DDX10: variants seen among roughly 807,000 people sequenced by gnomAD.
DDX10 encodes DEAD-box helicase 10.
In DDX10, 74 loss-of-function variants were observed where a neutral mutation model predicts 104.3. The observed-to-expected ratio is 0.71, with a 90% CI of 0.59 to 0.86. DDX10 has a LOEUF of 0.86. DDX10 is among the 40% of genes least tolerant of loss of function. The probability of loss-of-function intolerance (pLI) is 0.00; values close to 1 mark genes in which losing one functional copy is unlikely to be tolerated. For synonymous variants in DDX10, 351 were observed against 353.4 expected (o/e 0.99, Z 0.08); for missense variants, 952 against 1,040.0 (o/e 0.92, Z 1.16).
chr11:108,881,719 G>A (rs1275648781), intron 16 of DDX10, among the ~76,000 whole-genome samples: 2 of 152,086 alleles, frequency 1.3e-5, no homozygotes, highest in Non-Finnish European at 2.9e-5. Flanking sequence ...TTTAGGGTAG[G>A]GTGGGCTAAG....
rs1194804144 is a variant in DDX10 at position 108,679,576 on chromosome 11, G to A, written c.848+16G>A. The A allele has an allele frequency of 4.6e-6, 7 of 1,529,838 alleles. No individual in the cohort carries two copies. Among genetic ancestry groups the A allele is most frequent in the Non-Finnish European group, 6.2e-6 (7 of 1,136,546 alleles). 94.8% of individuals were successfully genotyped at this position (1,529,838 alleles called of 1,614,324 possible). On this transcript the variant is annotated intron_variant, in intron 6 of 17. Transcript: ENST00000322536. ...CAAAATATAGGTATGTACTCTTTGA[G>A]TCAATCAAGATAAATGTTTTTTACT...
chr11:108,940,162 C>A, intron 17 of DDX10, 84 bp from the exon 18 acceptor site: 1 of 1,382,134 alleles, frequency 7.2e-7, no homozygotes, highest in Non-Finnish European at 9.8e-7. Context: ...TATCACTTTA[C>A]CAACTCTCTG....
At chr11:108,795,010 T>C (rs1861920990) in intron 13 of DDX10, among the ~76,000 whole-genome samples, 1 of 152,128 alleles carries the variant, frequency 6.6e-6, no homozygotes, top group Non-Finnish European at 1.5e-5. Context: ...GTATTTTTAG[T>C]AGAGGTGGGG....
At chr11:108,676,436 G>A (rs1773548612) in intron 3 of DDX10, among the ~76,000 whole-genome samples, 1 of 152,054 alleles carries the variant, frequency 6.6e-6, no homozygotes, top group Admixed American at 6.6e-5. Context: ...ATGGGTGAAA[G>A]TTTATTTACT....
chr11:108,721,501 T>G (rs1355772782), intron 12 of DDX10, among the ~76,000 whole-genome samples: 1 of 152,160 alleles, frequency 6.6e-6, no homozygotes, highest in Non-Finnish European at 1.5e-5. Flanking sequence ...GTAGGCCATA[T>G]TTAGGGGACC....
intron 13 of DDX10, among the ~76,000 whole-genome samples, chr11:108,782,101 G>A (rs1591816873): frequency 6.6e-6 from 1 of 152,186 alleles, no homozygotes; most frequent in Non-Finnish European, 1.5e-5. Flanking sequence ...TAACGTATCT[G>A]TTCTTCCAAT....
chr11:108,800,255 C>T (rs543601587), intron 13 of DDX10, among the ~76,000 whole-genome samples: 1 of 141,626 alleles, frequency 7.1e-6, no homozygotes, highest in South Asian at 2.4e-4. Flanking sequence ...CATGGTGAAA[C>T]CCTGTCTTTA....
intron 13 of DDX10, among the ~76,000 whole-genome samples, chr11:108,737,418 T>C (rs1368865812): frequency 6.6e-6 from 1 of 152,202 alleles, no homozygotes; most frequent in Non-Finnish European, 1.5e-5. Context: ...ACGGTCTTGA[T>C]ATACTGTTGG....
intron 13 of DDX10, chr11:108,822,792 C>T (rs1862344208): frequency 6.5e-6 from 1 of 153,572 alleles, no homozygotes; most frequent in African/African-American, 2.4e-5. Flanking sequence ...TGTCAATCCA[C>T]TCTTCTCATT....
chr11:108,800,442 CAAAA>C (rs61200843), intron 13 of DDX10, among the ~76,000 whole-genome samples: 46 of 94,410 alleles, frequency 4.9e-4, no homozygotes, highest in South Asian at 1.8e-3. Flanking sequence ...GAGACTCTTT[CAAAA>C]AAAAAAAAAA....
At chr11:108,769,763 T>C (rs1246208381) in intron 13 of DDX10, among the ~76,000 whole-genome samples, 1 of 152,218 alleles carries the variant, frequency 6.6e-6, no homozygotes, top group Non-Finnish European at 1.5e-5. Flanking sequence ...AATAACCCTG[T>C]AAACTCTCAA....
rs545044823 is a variant in DDX10 at position 108,940,470 on chromosome 11, G to A, written c.*47G>A. 33 of 1,589,036 alleles carry A rather than the reference G, an allele frequency of 2.1e-5. No homozygotes were observed. Among genetic ancestry groups the A allele is most frequent in the African/African-American group, 9.4e-5 (7 of 74,154 alleles). ...TCCTTGAAACCTTGGTTATGACTGCGTAGGCAAGAAGTTGAAAAACAGTTG... is the reference window on the plus strand; with the variant it reads ...TCCTTGAAACCTTGGTTATGACTGCATAGGCAAGAAGTTGAAAAACAGTTG... On this transcript the variant is annotated 3_prime_UTR_variant, in exon 18 of 18. Coordinates refer to ENST00000322536, the MANE Select transcript of DDX10 (RefSeq NM_004398.4).
At chr11:108,847,294 C>T (rs1182133669) in intron 15 of DDX10, among the ~76,000 whole-genome samples, 2 of 152,158 alleles carry the variant, frequency 1.3e-5, no homozygotes, top group African/African-American at 4.8e-5. Context: ...ATGATTTTTA[C>T]TTCAATGGAG....
chr11:108,832,277 T>G (rs1257775383), intron 13 of DDX10, among the ~76,000 whole-genome samples: 1 of 152,194 alleles, frequency 6.6e-6, no homozygotes, highest in African/African-American at 2.4e-5. Flanking sequence ...AAAAATCTTC[T>G]AGTTGGAAAA....
chr11:108,837,944 T>C (rs1862579822), intron 13 of DDX10, among the ~76,000 whole-genome samples: 1 of 152,106 alleles, frequency 6.6e-6, no homozygotes, highest in African/African-American at 2.4e-5. Context: ...TAATTGTCAT[T>C]GGATATTTTA....
At chr11:108,835,971 C>A (rs1000298684) in intron 13 of DDX10, among the ~76,000 whole-genome samples, 7 of 152,160 alleles carry the variant, frequency 4.6e-5, no homozygotes, top group Non-Finnish European at 1.0e-4. Flanking sequence ...TCCCCGCCCC[C>A]AGACCCAGGT....
Position 108,863,162 on chromosome 11 carries a change from C to T in DDX10, c.2304+10953C>T, listed in dbSNP as rs374625485. 1.2e-4 allele frequency among the ~76,000 whole-genome samples: 18 copies of T among 152,294 alleles called. No individual in the cohort carries two copies. In the East Asian group the frequency reaches 2.3e-3, roughly 20 times the overall value. ...GTCTAAAGGTACTTAGCCTCTGTAA[C>T]GTACCTGGACTGTGTCTGGTCCAGT... On this transcript the variant is annotated intron_variant, in intron 16 of 17. Coordinates refer to ENST00000322536, the MANE Select transcript of DDX10 (RefSeq NM_004398.4).
At chr11:108,912,834 T>G (rs983755635) in intron 16 of DDX10, among the ~76,000 whole-genome samples, 6 of 152,132 alleles carry the variant, frequency 3.9e-5, no homozygotes, top group African/African-American at 1.4e-4. Flanking sequence ...AAGGCATGAG[T>G]GACTATTCCT....
Position 108,837,727 on chromosome 11 carries a change from A to G in DDX10, c.1966-719A>G, listed in dbSNP as rs1429540938. ...AGCCTCCACCTCCTGGGTTCAAGCA[A>G]TTCCCCTGCCTCAGCCTCCTGAGTA... On this transcript the variant is annotated intron_variant, in intron 13 of 17. Coordinates refer to ENST00000322536, the MANE Select transcript of DDX10 (RefSeq NM_004398.4). 7.6e-5 allele frequency among the ~76,000 whole-genome samples: 11 copies of G among 143,848 alleles called. No homozygotes were observed. The Admixed American group carries it at 8.2e-4, about 11-fold the overall frequency. 94.4% of individuals were successfully genotyped at this position (143,848 alleles called of 152,430 possible). A position where few individuals can be genotyped will look rare whatever the true frequency, so the allele number is the denominator to read the frequency against.
Sources: gnomAD v4.1 joint callset for allele counts (sites outside exome capture counted in the v4.1 genomes callset) on GRCh38, gnomAD v4.1.1 for gene constraint, MANE v1.5 for transcripts, NCBI Gene and HGNC (gene_info 2026-07-23, HGNC 2026-07-21) for gene names.